Variants in FAM222A observed in about 807,000 individuals in gnomAD.
FAM222A encodes protein FAM222A.
FAM222A carries 7 observed loss-of-function variants against 25.8 expected under a neutral mutation model. The ratio of observed to expected loss-of-function variants is 0.27; its 90% CI spans 0.15 to 0.51. The LOEUF is 0.51. FAM222A is among the 20% of genes least tolerant of loss of function. The pLI, the probability that FAM222A is intolerant of heterozygous loss-of-function variation, is 0.97. For synonymous variants in FAM222A, 294 were observed against 298.8 expected (o/e 0.98, Z 0.17); for missense variants, 573 against 640.5 (o/e 0.89, Z 1.14).
intron 1 of FAM222A, among the ~76,000 whole-genome samples, chr12:109,740,265 G>A (rs1367167136): frequency 6.6e-6 from 1 of 152,168 alleles, no homozygotes; most frequent in Non-Finnish European, 1.5e-5. Flanking sequence ...TCTGGTGGAG[G>A]GGACCTTTTC....
intron 2 of FAM222A, among the ~76,000 whole-genome samples, chr12:109,746,962 T>C (rs990263042): frequency 6.6e-6 from 1 of 152,234 alleles, no homozygotes; most frequent in Non-Finnish European, 1.5e-5. Context: ...AAAATCTCAT[T>C]ATACCAGTTG....
Position 109,768,939 on chromosome 12 carries a change from C to G in FAM222A, c.1010C>G (p.Thr337Ser), listed in dbSNP as rs763547106. The change falls in exon 3 of 3, where the codon ACC becomes AGC. Residue 337 changes from threonine to serine, a missense_variant. Physicochemically the swap from Thr to Ser is moderately conservative, Grantham distance 58 (BLOSUM62 1). Transcript: ENST00000538780. ...CTCAACTGTGGCGTGGGGCTGCCCA[C>G]CAGCTTCACCGTAGGCCAGTACTTT... ...SPLNCGVGLP[T>S]SFTVGQYFAA... 2 of 1,574,700 alleles carry G rather than the reference C, an allele frequency of 1.3e-6. No homozygotes were observed. The highest frequency in any genetic ancestry group is 1.7e-6 in the Non-Finnish European group (2 of 1,166,980).
Position 109,714,178 on chromosome 12 carries a change from G to A in FAM222A, c.-766G>A. 2 of 202,148 alleles carry A rather than the reference G, an allele frequency of 9.9e-6. No individual in the cohort carries two copies. The highest frequency in any genetic ancestry group is 6.5e-5 in the South Asian group (1 of 15,408). The allele number at this position is 202,148 out of a possible 1,614,324, so 12.5% of individuals were successfully genotyped here. On this transcript the variant is annotated 5_prime_UTR_variant, in exon 1 of 3. Transcript: ENST00000538780. The surrounding 1 kb of genome is among the most constrained non-coding windows in gnomAD (Gnocchi z 4.2). ...TCTCAGCGCCGAGGCCCCCGAGGCT[G>A]CATCCGAGCTTGCGTCGCCCGCTGC... is the stretch of plus-strand genomic sequence containing the variant.
intron 2 of FAM222A, among the ~76,000 whole-genome samples, chr12:109,762,783 C>T (rs1280937664): frequency 3.3e-5 from 5 of 152,166 alleles, no homozygotes; most frequent in African/African-American, 1.2e-4. Context: ...TCAGGAAAGT[C>T]CTTCAGGGAA....
intron 1 of FAM222A, among the ~76,000 whole-genome samples, chr12:109,722,102 G>T (rs1159148508): frequency 6.6e-6 from 1 of 152,218 alleles, no homozygotes; most frequent in Non-Finnish European, 1.5e-5. Context: ...TTAAAGGCTG[G>T]TGGGCTTCTG....
Position 109,769,990 on chromosome 12 carries a change from C to G in FAM222A, c.*702C>G, listed in dbSNP as rs372846923. On this transcript the variant is annotated 3_prime_UTR_variant, in exon 3 of 3. Transcript: ENST00000538780. ...TATAGGGCTGCTGGGTACAGTTGTTCAGGCTGTGCACTGCACAAGGGCACC... is the reference window on the plus strand; with the variant it reads ...TATAGGGCTGCTGGGTACAGTTGTTGAGGCTGTGCACTGCACAAGGGCACC... 6.6e-6 allele frequency: 1 copy of G among 152,336 alleles called. No individual in the cohort carries two copies. Among genetic ancestry groups the G allele is most frequent in the Admixed American group, 6.5e-5 (1 of 15,278 alleles). 9.4% of individuals were successfully genotyped at this position (152,336 alleles called of 1,614,324 possible). A position where few individuals can be genotyped will look rare whatever the true frequency, so the allele number is the denominator to read the frequency against.
intron 2 of FAM222A, among the ~76,000 whole-genome samples, chr12:109,755,076 C>T (rs568862436): frequency 6.6e-6 from 1 of 152,262 alleles, no homozygotes; most frequent in East Asian, 1.9e-4. Context: ...CAAATATTTT[C>T]TCCCATTCTG....
At chr12:109,754,607 C>T (rs1328654583) in intron 2 of FAM222A, among the ~76,000 whole-genome samples, 2 of 151,734 alleles carry the variant, frequency 1.3e-5, no homozygotes, top group African/African-American at 4.8e-5. Flanking sequence ...TCCAATAAGA[C>T]TTTATTTACA....
At chr12:109,728,694 C>T (rs1887885924) in intron 1 of FAM222A, among the ~76,000 whole-genome samples, 1 of 152,216 alleles carries the variant, frequency 6.6e-6, no homozygotes, top group Non-Finnish European at 1.5e-5. Flanking sequence ...ACCAATCTCC[C>T]ATCTCTTCGT....
intron 1 of FAM222A, among the ~76,000 whole-genome samples, chr12:109,719,615 A>AGC (rs1275829115): frequency 3.9e-5 from 6 of 152,112 alleles, no homozygotes; most frequent in African/African-American, 1.4e-4. Context: ...TTCCTGACAA[A>AGC]GCGGGCTGTG....
chr12:109,753,886 A>G (rs1443675463), intron 2 of FAM222A, among the ~76,000 whole-genome samples: 1 of 152,242 alleles, frequency 6.6e-6, no homozygotes, highest in East Asian at 1.9e-4. Flanking sequence ...GCCGCACAGC[A>G]GATTCAGTTA....
intron 1 of FAM222A, among the ~76,000 whole-genome samples, chr12:109,726,200 C>A (rs968819138): frequency 4.0e-5 from 6 of 151,384 alleles, no homozygotes; most frequent in Non-Finnish European, 5.9e-5. Flanking sequence ...GGTTTCAAAT[C>A]CCTGTTCCCT....
At chr12:109,720,207 A>G (rs946471546) in intron 1 of FAM222A, 3 of 984,940 alleles carry the variant, frequency 3.0e-6, no homozygotes, top group Non-Finnish European at 3.6e-6. Context: ...GGCCCCTGCT[A>G]TTGTGCAGAG....
chr12:109,744,230 T>G lies in FAM222A; in HGVS notation c.82+2T>G. 1 of 1,612,268 alleles carries G rather than the reference T, an allele frequency of 6.2e-7. No homozygotes were observed. Among genetic ancestry groups the G allele is most frequent in the Non-Finnish European group, 8.5e-7 (1 of 1,179,686 alleles). On this transcript the variant is annotated splice_donor_variant, in intron 2 of 2. Coordinates refer to ENST00000538780, the MANE Select transcript of FAM222A (RefSeq NM_032829.3). LOFTEE classifies it high-confidence loss of function. ...GCAAGAGCCTGGAGCTGCGCAAGTG[T>G]GAGTAGGACGCCTCCCCAGCCTTTG...
At chr12:109,719,632 G>T (rs984133825) in intron 1 of FAM222A, among the ~76,000 whole-genome samples, 2 of 152,176 alleles carry the variant, frequency 1.3e-5, no homozygotes, top group Admixed American at 6.5e-5. Flanking sequence ...TGTGCTCTGT[G>T]CCCTGAGGAC....
chr12:109,713,856 T>G lies in FAM222A; in HGVS notation c.-1088T>G, dbSNP rs953100920. ...GCCAGAGCGGAGCAGCGGGCAGGAC[T>G]GCCTGGCCGGCTGCTCCGCGGAGAG... On this transcript the variant is annotated 5_prime_UTR_variant, in exon 1 of 3. Transcript: ENST00000538780. Among the ~76,000 whole-genome samples the G allele has an allele frequency of 6.7e-6, 1 of 149,278 alleles. No individual in the cohort carries two copies. The highest frequency in any genetic ancestry group is 2.1e-4 in the South Asian group (1 of 4,752).
At chr12:109,760,173 G>A (rs573023258) in intron 2 of FAM222A, among the ~76,000 whole-genome samples, 96 of 152,240 alleles carry the variant, frequency 6.3e-4, no homozygotes, top group Admixed American at 3.0e-3. Flanking sequence ...CTCATGGACA[G>A]CACCCCCACA....
At chr12:109,747,898 CTTTAT>C (rs1300322473) in intron 2 of FAM222A, among the ~76,000 whole-genome samples, 4 of 152,110 alleles carry the variant, frequency 2.6e-5, no homozygotes, top group Non-Finnish European at 4.4e-5. Flanking sequence ...ACCTTAATTT[CTTTAT>C]TTTATTTAAT....
intron 1 of FAM222A, chr12:109,735,758 A>G (rs1232691412): frequency 6.6e-6 from 1 of 152,260 alleles, no homozygotes; most frequent in Non-Finnish European, 1.5e-5. Flanking sequence ...TCACAGCCCC[A>G]TTATGACATC....
Sources: gnomAD v4.1 joint callset for allele counts (sites outside exome capture counted in the v4.1 genomes callset) on GRCh38, gnomAD v4.1.1 for gene constraint, Gnocchi (gnomAD v3.1) non-coding constraint, MANE v1.5 for transcripts, NCBI Gene and HGNC (gene_info 2026-07-23, HGNC 2026-07-21) for gene names.